Variants in LGR5 observed in about 807,000 individuals in gnomAD.
LGR5 encodes the protein leucine-rich repeat-containing G protein-coupled receptor 5.
In LGR5, 54 loss-of-function variants were observed where a neutral mutation model predicts 76.7. The ratio of observed to expected loss-of-function variants is 0.70; its 90% CI spans 0.57 to 0.88. The LOEUF (loss-of-function observed/expected upper bound fraction) is 0.88, where lower values mean the gene tolerates loss of function less well. LGR5 is among the 40% of genes least tolerant of loss of function. LGR5 has a pLI of 0.00. For synonymous variants in LGR5, 406 were observed against 421.9 expected, an observed-to-expected ratio of 0.96 and a Z score of 0.46; for missense variants, 1,078 against 1,073.3, an observed-to-expected ratio of 1.00 and a Z score of -0.06.
intron 1 of LGR5, among the ~76,000 whole-genome samples, chr12:71,501,156 C>A (rs1874580801): frequency 6.6e-6 from 1 of 151,780 alleles, no homozygotes; most frequent in African/African-American, 2.4e-5. Context: ...ATTTTAAGAC[C>A]CCCTCATTTG....
chr12:71,533,737 T>A (rs1289493848), intron 3 of LGR5, among the ~76,000 whole-genome samples: 2 of 152,240 alleles, frequency 1.3e-5, no homozygotes, highest in Non-Finnish European at 1.5e-5. Context: ...GAACCTTCAC[T>A]CATTGAATCA....
At chr12:71,573,902 G>A (rs1251062674) in intron 13 of LGR5, among the ~76,000 whole-genome samples, 1 of 90,104 alleles carries the variant, frequency 1.1e-5, no homozygotes, top group Non-Finnish European at 2.3e-5. Context: ...TACTTGTGGA[G>A]TGCTTTTACT....
intron 1 of LGR5, among the ~76,000 whole-genome samples, chr12:71,465,409 C>T (rs1233960857): frequency 2.6e-5 from 4 of 152,202 alleles, no homozygotes; most frequent in Non-Finnish European, 5.9e-5. Flanking sequence ...TCCTGCTCTT[C>T]TGTTTCAAAG....
At chr12:71,456,153 C>G (rs1872464206) in intron 1 of LGR5, among the ~76,000 whole-genome samples, 2 of 152,088 alleles carry the variant, frequency 1.3e-5, no homozygotes, top group South Asian at 2.1e-4. Context: ...TATGCTTATA[C>G]TTTTTTATTC....
At chr12:71,514,323 C>A (rs1390561493) in intron 2 of LGR5, among the ~76,000 whole-genome samples, 1 of 151,932 alleles carries the variant, frequency 6.6e-6, no homozygotes, top group African/African-American at 2.4e-5. Flanking sequence ...AATCCCAGCA[C>A]TTTGGGAGGC....
chr12:71,560,349 T>C (rs1180715359), intron 7 of LGR5, among the ~76,000 whole-genome samples: 1 of 152,190 alleles, frequency 6.6e-6, no homozygotes, highest in Non-Finnish European at 1.5e-5. Context: ...ACAGAAAATA[T>C]ATTTACTATT....
At chr12:71,506,476 A>G (rs947665277) in intron 2 of LGR5, among the ~76,000 whole-genome samples, 1 of 152,142 alleles carries the variant, frequency 6.6e-6, no homozygotes, top group Non-Finnish European at 1.5e-5. Flanking sequence ...TTTTAAAAAG[A>G]TAGTTGAAAA....
intron 3 of LGR5, among the ~76,000 whole-genome samples, chr12:71,525,688 C>T (rs961890169): frequency 1.3e-5 from 2 of 151,546 alleles, no homozygotes; most frequent in Non-Finnish European, 2.9e-5. Flanking sequence ...TTTTAATTCA[C>T]TTAACAAAGT....
At chr12:71,495,649 G>A (rs1432870005) in intron 1 of LGR5, among the ~76,000 whole-genome samples, 1 of 151,230 alleles carries the variant, frequency 6.6e-6, no homozygotes, top group Non-Finnish European at 1.5e-5. Context: ...AGGGAACTGA[G>A]GTACAAAGAT....
At chr12:71,496,397 G>T (rs12821411) in intron 1 of LGR5, among the ~76,000 whole-genome samples, 2 of 147,472 alleles carry the variant, frequency 1.4e-5, no homozygotes, top group Admixed American at 1.3e-4. Context: ...AAAAAAGAGA[G>T]AGAGAGAGAA....
chr12:71,572,764 G>T lies in LGR5; in HGVS notation c.1137-86G>T, dbSNP rs888607718. On this transcript the variant is annotated intron_variant, in intron 12 of 17. Coordinates refer to ENST00000266674, the MANE Select transcript of LGR5 (RefSeq NM_003667.4). ...CATGTGTTCCTTTGATTAAGGGCAG[G>T]TAGTCCCTCTATAAAAGTTATCTGA... 18 of 922,038 alleles carry T rather than the reference G, an allele frequency of 2.0e-5. No individual in the cohort carries two copies. In the Middle Eastern group the frequency reaches 2.8e-3, roughly 146 times the overall value. The allele number at this position is 922,038 out of a possible 1,614,324, so 57.1% of individuals were successfully genotyped here.
In LGR5 at chr12:71,571,527, A is replaced by C; in HGVS notation, c.1084A>C (p.Asn362His). The C allele has an allele frequency of 6.2e-7, 1 of 1,612,486 alleles. No homozygotes were observed. The highest frequency in any genetic ancestry group is 1.3e-5 in the African/African-American group (1 of 75,010). ...TCTGTTTTTCAGAGATCTGTCTTAC[A>C]ACCTATTAGAAGATTTACCCAGTTT... is the stretch of plus-strand genomic sequence containing the variant. The part of the protein sequence containing the change: ...PNLQVLDLSY[N>H]LLEDLPSFSV... The change falls in exon 12 of 18, where the codon AAC becomes CAC. Residue 362 changes from asparagine (N) to histidine (H), a missense_variant. Physicochemically the swap from Asn to His is moderately conservative, Grantham distance 68. Coordinates refer to ENST00000266674, the MANE Select transcript of LGR5 (RefSeq NM_003667.4).
chr12:71,537,339 T>C (rs1296981445), intron 4 of LGR5, among the ~76,000 whole-genome samples: 1 of 152,008 alleles, frequency 6.6e-6, no homozygotes, highest in African/African-American at 2.4e-5. Context: ...TGTGGTGACA[T>C]GTGCCCGCAG....
chr12:71,524,330 G>T (rs1875873274), intron 2 of LGR5, 76 bp from the exon 3 acceptor site: 26 of 1,030,758 alleles, frequency 2.5e-5, no homozygotes, highest in Non-Finnish European at 3.2e-5. Flanking sequence ...TAGTTGTATT[G>T]CATTTTTTTA....
At position 71,572,875 on chromosome 12, in the gene LGR5, G is replaced by A. The variant is rs148289646; in HGVS notation, c.1162G>A (p.Glu388Lys). Reference protein sequence around the residue: ...KIDLRHNEIYEIKVDTFQQLL... With the variant: ...KIDLRHNEIYKIKVDTFQQLL... ...TGACCTAAGACATAATGAAATCTACGAAATTAAAGTTGACACTTTCCAGCA... is the reference window on the plus strand; with the variant it reads ...TGACCTAAGACATAATGAAATCTACAAAATTAAAGTTGACACTTTCCAGCA... The change falls in exon 13 of 18, where the codon GAA becomes AAA. Residue 388 changes from glutamate to lysine, a missense_variant. Physicochemically the swap from Glu to Lys is moderately conservative, Grantham distance 56. Coordinates refer to ENST00000266674, the MANE Select transcript of LGR5 (RefSeq NM_003667.4). 25 of 1,613,616 alleles carry A rather than the reference G, an allele frequency of 1.5e-5. No homozygotes were observed. The highest frequency in any genetic ancestry group is 8.9e-5 in the East Asian group (4 of 44,872).
At position 71,583,808 on chromosome 12, in the gene LGR5, G is replaced by A. The variant is rs755004840; in HGVS notation, c.1798G>A (p.Ala600Thr). 6.2e-6 allele frequency: 10 copies of A among 1,614,104 alleles called. No individual in the cohort carries two copies. The highest frequency in any genetic ancestry group is 2.2e-5 in the East Asian group (1 of 44,872). ...SPIKLLIGVIAAVNMLTGVSS... is the reference protein window; with the variant it reads ...SPIKLLIGVITAVNMLTGVSS... ...CATTAAACTGTTAATTGGGGTCATC[G>A]CAGCAGTGAACATGCTCACGGGAGT... Residue 600 changes from alanine to threonine, a missense_variant, in exon 18 of 18, where the codon GCA (alanine) becomes ACA (threonine). Ala to Thr is a moderately conservative substitution (Grantham distance 58, BLOSUM62 0). Coordinates refer to ENST00000266674, the MANE Select transcript of LGR5 (RefSeq NM_003667.4).
At chr12:71,508,447 C>T (rs557400674) in intron 2 of LGR5, among the ~76,000 whole-genome samples, 1 of 152,110 alleles carries the variant, frequency 6.6e-6, no homozygotes, top group Non-Finnish European at 1.5e-5. Flanking sequence ...TATACACTGA[C>T]TTAATGTTTA....
chr12:71,517,002 TAA>T (rs11321068), intron 2 of LGR5, among the ~76,000 whole-genome samples: 66 of 144,652 alleles, frequency 4.6e-4, no homozygotes, highest in East Asian at 1.8e-3. Context: ...GAAACAGCAT[TAA>T]AAAAAAAAAA....
At chr12:71,495,303 C>T (rs1026046490) in intron 1 of LGR5, among the ~76,000 whole-genome samples, 3 of 151,144 alleles carry the variant, frequency 2.0e-5, no homozygotes, top group Admixed American at 6.6e-5. Flanking sequence ...CATAATTATC[C>T]TTTTGGGGGT....
Sources: allele counts gnomAD v4.1 joint callset (sites outside exome capture counted in the v4.1 genomes callset), GRCh38; gene constraint gnomAD v4.1.1; transcripts MANE v1.5; gene names NCBI Gene and HGNC (gene_info 2026-07-23, HGNC 2026-07-21).